ZNF93: variants seen among roughly 807,000 people sequenced by gnomAD.
ZNF93 encodes the protein zinc finger protein 93, also known as zinc finger protein 505.
Under a neutral mutation model 45.0 loss-of-function variants are expected in ZNF93, and 29 were observed. The observed-to-expected ratio is 0.64, with a 90% CI of 0.48 to 0.88. The LOEUF (loss-of-function observed/expected upper bound fraction) is 0.88. Ranked by LOEUF, ZNF93 falls within the 40% of genes least tolerant of loss-of-function variation. ZNF93 has a pLI of 0.00. For synonymous variants in ZNF93, 223 were observed against 244.6 expected, an observed-to-expected ratio of 0.91 and a Z score of 0.82; for missense variants, 578 against 724.0, an observed-to-expected ratio of 0.80 and a Z score of 2.31.
chr19:19,926,304 C>T (rs1022364108), intron 3 of ZNF93: 1 of 151,058 alleles, frequency 6.6e-6, no homozygotes, highest in South Asian at 2.1e-4. Context: ...GTCTTGAACT[C>T]CTGACCTCAG....
intron 2 of ZNF93, 99 bp downstream of exon 2, chr19:19,915,505 A>G: frequency 6.9e-7 from 1 of 1,449,568 alleles, no homozygotes. Flanking sequence ...TGCATAAAGG[A>G]GTTTCAGATC....
At chr19:19,932,465 T>C (rs1490364698) in intron 3 of ZNF93, 1 of 152,190 alleles carries the variant, frequency 6.6e-6, no homozygotes, top group African/African-American at 2.4e-5. Flanking sequence ...TTTTTGCGGC[T>C]GGGTCACTTT....
intron 1 of ZNF93, chr19:19,908,842 T>TAAAA (rs2063299936): frequency 3.1e-4 from 1 of 3,222 alleles, no homozygotes; most frequent in African/African-American, 1.0e-3. Context: ...AAACTCCGTC[T>TAAAA]CAAAAAAAAA....
chr19:19,903,517 C>T (rs1599564632), intron 1 of ZNF93, among the ~76,000 whole-genome samples: 1 of 152,064 alleles, frequency 6.6e-6, no homozygotes, highest in African/African-American at 2.4e-5. Flanking sequence ...CTGGTAATCC[C>T]AGCACTTTGG....
intron 3 of ZNF93, 90 bp downstream of exon 3, chr19:19,916,745 A>C: frequency 1.1e-6 from 1 of 951,506 alleles, no homozygotes; most frequent in Non-Finnish European, 1.5e-6. Flanking sequence ...GTGATTCGGG[A>C]AGCTGTGTTC....
At chr19:19,906,462 A>G (rs1432716368) in intron 1 of ZNF93, among the ~76,000 whole-genome samples, 1 of 152,002 alleles carries the variant, frequency 6.6e-6, no homozygotes, top group Non-Finnish European at 1.5e-5. Flanking sequence ...AAGTTTGCAA[A>G]TGTTTTCCTT....
At chr19:19,905,078 C>CACCT (rs530658816) in intron 1 of ZNF93, among the ~76,000 whole-genome samples, 425 of 152,300 alleles carry the variant, frequency 2.8e-3, no homozygotes, top group Non-Finnish European at 4.8e-3. Context: ...GGGTCTGGAC[C>CACCT]ACCTGTTCAT....
rs74373667 is a variant in ZNF93 at position 19,933,266 on chromosome 19, A to G, written c.311A>G (p.Glu104Gly). The change falls in exon 4 of 4, where the codon GAA (glutamate) becomes GGA (glycine). Residue 104 changes from glutamate to glycine, a missense_variant. Glu to Gly is a moderately conservative substitution (Grantham distance 98, BLOSUM62 -2). Transcript: ENST00000343769. Reference protein sequence around the residue: ...SFQKVILRRYEKRGHGNLQLI... With the variant: ...SFQKVILRRYGKRGHGNLQLI... The stretch of plus-strand genomic sequence containing the variant: ...CAAAAAGTGATACTGAGAAGATATG[A>G]AAAACGTGGACATGGAAATTTACAG... 1 of 1,611,990 alleles carries G rather than the reference A, an allele frequency of 6.2e-7. No homozygotes were observed. Among genetic ancestry groups the G allele is most frequent in the Non-Finnish European group, 8.5e-7 (1 of 1,178,908 alleles).
chr19:19,918,760 G>A (rs564598024), intron 3 of ZNF93, among the ~76,000 whole-genome samples: 2 of 152,304 alleles, frequency 1.3e-5, no homozygotes, highest in East Asian at 3.9e-4. Context: ...CTTTTGAGAA[G>A]TGTCTATTAA....
chr19:19,902,940 C>T (rs1328502530), intron 1 of ZNF93, among the ~76,000 whole-genome samples: 11 of 151,666 alleles, frequency 7.3e-5, no homozygotes, highest in South Asian at 6.3e-4. Context: ...GGGGTTTCAC[C>T]GTGTGAGCCA....
At chr19:19,922,821 CTT>C (rs908640682) in intron 3 of ZNF93, among the ~76,000 whole-genome samples, 1 of 152,106 alleles carries the variant, frequency 6.6e-6, no homozygotes, top group Non-Finnish European at 1.5e-5. Flanking sequence ...GCATTGGTTC[CTT>C]TAGTTAGCCA....
intron 3 of ZNF93, among the ~76,000 whole-genome samples, chr19:19,918,199 T>C (rs965274496): frequency 6.7e-5 from 10 of 148,596 alleles, no homozygotes; most frequent in African/African-American, 2.5e-4. Flanking sequence ...GAACATGCGG[T>C]GTTTGGTTTT....
At chr19:19,917,286 T>C (rs1028399783) in intron 3 of ZNF93, among the ~76,000 whole-genome samples, 2 of 152,188 alleles carry the variant, frequency 1.3e-5, no homozygotes, top group African/African-American at 4.8e-5. Context: ...AGGAAGTTTA[T>C]TGAATCTGTA....
intron 1 of ZNF93, among the ~76,000 whole-genome samples, chr19:19,903,408 G>A (rs2063282302): frequency 6.6e-6 from 1 of 152,176 alleles, no homozygotes; most frequent in Admixed American, 6.5e-5. Flanking sequence ...GCCTGAGGAA[G>A]GGAGATAAAC....
chr19:19,920,582 C>CT (rs2063340259), intron 3 of ZNF93, among the ~76,000 whole-genome samples: 2 of 152,092 alleles, frequency 1.3e-5, no homozygotes, highest in South Asian at 2.1e-4. Context: ...TGGTCCTGGA[C>CT]TTTTTTTGGT....
intron 3 of ZNF93, among the ~76,000 whole-genome samples, chr19:19,927,840 C>T (rs2063360795): frequency 6.6e-6 from 1 of 152,188 alleles, no homozygotes; most frequent in African/African-American, 2.4e-5. Context: ...CCTCTGCCTT[C>T]TGGTTCAAGC....
chr19:19,929,521 A>G (rs2063366010), intron 3 of ZNF93, among the ~76,000 whole-genome samples: 2 of 152,216 alleles, frequency 1.3e-5, no homozygotes, highest in South Asian at 4.1e-4. Context: ...TTATGTACAC[A>G]TATACATATA....
intron 1 of ZNF93, among the ~76,000 whole-genome samples, chr19:19,903,091 A>C (rs1046790211): frequency 4.6e-5 from 7 of 152,164 alleles, no homozygotes; most frequent in Non-Finnish European, 2.9e-5. Context: ...GGAACATTTT[A>C]GACTTTGTAA....
chr19:19,906,291 A>G (rs1310315122), intron 1 of ZNF93, among the ~76,000 whole-genome samples: 1 of 148,896 alleles, frequency 6.7e-6, no homozygotes, highest in Non-Finnish European at 1.5e-5. Context: ...ATTAGTGATG[A>G]ACTTTTTTTT....
Sources: gnomAD v4.1 joint callset for allele counts (sites outside exome capture counted in the v4.1 genomes callset) on GRCh38, gnomAD v4.1.1 for gene constraint, MANE v1.5 for transcripts, NCBI Gene and HGNC (gene_info 2026-07-23, HGNC 2026-07-21) for gene names.